Variants in HORMAD2 observed in about 807,000 individuals in gnomAD.
The protein encoded by HORMAD2 is HORMA domain containing 2.
A neutral mutation model predicts 38.8 loss-of-function variants in HORMAD2; 45 were observed. That is an observed-to-expected ratio of 1.16 (90% CI 0.91 to 1.49). The LOEUF is 1.49. Ranked by LOEUF, HORMAD2 falls within the 40% of genes most tolerant of loss-of-function variation. HORMAD2 has a pLI of 0.00. For missense variants in HORMAD2, 338 were observed against 367.0 expected, an observed-to-expected ratio of 0.92 and a Z score of 0.65; for synonymous variants, 126 against 122.8, an observed-to-expected ratio of 1.03 and a Z score of -0.17.
chr22:30,207,003 A>G, the HORMAD2 span: 1 of 462,924 alleles, frequency 2.2e-6, no homozygotes, highest in South Asian at 1.6e-5. Flanking sequence ...GCAGAGACAG[A>G]GCCCCAGCAG....
chr22:30,186,067 A>C, the HORMAD2 span, among the ~76,000 whole-genome samples: 1 of 152,162 alleles, frequency 6.6e-6, no homozygotes, highest in Non-Finnish European at 1.5e-5. Flanking sequence ...TTTAATTTTA[A>C]AGGTGATAGT....
intron 10 of HORMAD2, among the ~76,000 whole-genome samples, chr22:30,162,676 A>G (rs2146217970): frequency 6.6e-6 from 1 of 151,112 alleles, no homozygotes; most frequent in South Asian, 2.1e-4. Context: ...AGGTATATAC[A>G]TGCAAACATT....
the HORMAD2 span, chr22:30,184,863 C>T: frequency 6.6e-6 from 1 of 152,154 alleles, no homozygotes; most frequent in Non-Finnish European, 1.5e-5. Context: ...ACTGGCAAAC[C>T]ACCAATTCAT....
rs569937759 is a variant in HORMAD2, at chr22:30,151,314, T to C, written c.820-24749T>C. Among the ~76,000 whole-genome samples the C allele has an allele frequency of 1.2e-4, 18 of 152,300 alleles. No homozygotes were observed. The South Asian group carries it at 3.5e-3, about 30-fold the overall frequency. ...GTTTTTGGAGGAAACAAAATAAATGTGTGTGTCAATCTGCCATCTTTATCC... is the reference window on the plus strand; with the variant it reads ...GTTTTTGGAGGAAACAAAATAAATGCGTGTGTCAATCTGCCATCTTTATCC... On this transcript the variant is annotated intron_variant, in intron 10 of 10. Coordinates refer to ENST00000336726, the MANE Select transcript of HORMAD2 (RefSeq NM_152510.4).
Position 30,122,204 on chromosome 22 carries a change from G to A in HORMAD2, c.809G>A (p.Cys270Tyr). Residue 270 changes from cysteine to tyrosine, a missense_variant, in exon 10 of 11, where the codon TGC becomes TAC. Transcript: ENST00000336726. Reference protein sequence around the residue: ...QGLDCDEEEECNDHIQRMNFV... With the variant: ...QGLDCDEEEEYNDHIQRMNFV... ...CTAGACTGTGATGAGGAAGAAGAAT[G>A]CAATGACCATGTAAGGCAAAGCTTT... The A allele has an allele frequency of 3.1e-6, 5 of 1,610,602 alleles. No individual in the cohort carries two copies. In the Middle Eastern group the frequency reaches 6.6e-4, roughly 213 times the overall value.
chr22:30,112,162 T>C (rs1017450976), intron 6 of HORMAD2, among the ~76,000 whole-genome samples: 1 of 152,128 alleles, frequency 6.6e-6, no homozygotes, highest in Non-Finnish European at 1.5e-5. Flanking sequence ...ATGTTATACA[T>C]AGTTAAGAAT....
At chr22:30,081,662 A>G (rs558434094) in intron 1 of HORMAD2, among the ~76,000 whole-genome samples, 3 of 151,456 alleles carry the variant, frequency 2.0e-5, no homozygotes, top group Non-Finnish European at 4.4e-5. Context: ...TGCAACCTCC[A>G]CCTCTCGGGT....
intron 1 of HORMAD2, among the ~76,000 whole-genome samples, chr22:30,085,779 A>G (rs1453619484): frequency 6.6e-6 from 1 of 152,224 alleles, no homozygotes; most frequent in East Asian, 1.9e-4. Context: ...AAACTTTAAA[A>G]TATAAAGAAT....
rs543011188 is a variant in HORMAD2 at position 30,083,576 on chromosome 22, A to G, written c.-38+3085A>G. Among the ~76,000 whole-genome samples, 22 of 152,300 alleles carry G rather than the reference A, an allele frequency of 1.4e-4. No individual in the cohort carries two copies. In the South Asian group the frequency reaches 4.3e-3, roughly 30 times the overall value. ...AGACCTCCACAAAACACCTGCTCAA[A>G]GGGAAAACAGTAGCAACAGAATAAT... On this transcript the variant is annotated intron_variant, in intron 1 of 10. Transcript: ENST00000336726.
At chr22:30,078,963 C>A (rs1481372188), upstream of HORMAD2, among the ~76,000 whole-genome samples, 1 of 149,202 alleles carries the variant, frequency 6.7e-6, no homozygotes, top group African/African-American at 2.5e-5. Flanking sequence ...TTGCACACCC[C>A]ATGGGACATT....
At position 30,176,337 on chromosome 22, in the gene HORMAD2, C is replaced by T. The variant is rs776206189; in HGVS notation, c.*170C>T. On this transcript the variant is annotated 3_prime_UTR_variant, in exon 11 of 11. Transcript: ENST00000336726. ...GCTAAATTACTGGCCAGGTAGGACG[C>T]GAGTCCACTTTGCCATAAGGAAAGC... 3.7e-5 allele frequency: 21 copies of T among 560,222 alleles called. No individual in the cohort carries two copies. The highest frequency in any genetic ancestry group is 6.9e-5 in the South Asian group (3 of 43,528). 34.7% of individuals were successfully genotyped at this position (560,222 alleles called of 1,614,324 possible). A position where few individuals can be genotyped will look rare whatever the true frequency, so the allele number is the denominator to read the frequency against.
At chr22:30,127,652 C>A (rs1922982538) in intron 10 of HORMAD2, among the ~76,000 whole-genome samples, 1 of 152,112 alleles carries the variant, frequency 6.6e-6, no homozygotes, top group Non-Finnish European at 1.5e-5. Context: ...ACATCTTTGT[C>A]TTTTTCTATT....
At chr22:30,161,352 A>C (rs1925429549) in intron 10 of HORMAD2, among the ~76,000 whole-genome samples, 1 of 152,240 alleles carries the variant, frequency 6.6e-6, no homozygotes, top group Non-Finnish European at 1.5e-5. Flanking sequence ...CCTACATAGC[A>C]AGTCTGTGAG....
chr22:30,121,590 C>G, intron 8 of HORMAD2, 42 bp from the exon 9 acceptor site: 1 of 1,473,262 alleles, frequency 6.8e-7, no homozygotes, highest in Non-Finnish European at 9.0e-7. Context: ...TAGATTGCCA[C>G]TATTGTATAT....
At chr22:30,203,896 G>A in the HORMAD2 span, among the ~76,000 whole-genome samples, 12 of 152,006 alleles carry the variant, frequency 7.9e-5, no homozygotes, top group African/African-American at 2.2e-4. Flanking sequence ...TAATGTACAC[G>A]TTTACCCTCA....
chr22:30,182,430 G>T, the HORMAD2 span, among the ~76,000 whole-genome samples: 4 of 152,112 alleles, frequency 2.6e-5, no homozygotes, highest in Admixed American at 1.3e-4. Context: ...CCCTGACCTT[G>T]TTTTTTCCTA....
At chr22:30,104,347 T>C in intron 4 of HORMAD2, 54 bp from the exon 5 acceptor site, 1 of 1,457,760 alleles carries the variant, frequency 6.9e-7, no homozygotes, top group Non-Finnish European at 9.6e-7. Flanking sequence ...GTACTTGGAA[T>C]TTTTTTGGAT....
At chr22:30,159,069 C>A (rs1925284023) in intron 10 of HORMAD2, among the ~76,000 whole-genome samples, 1 of 152,152 alleles carries the variant, frequency 6.6e-6, no homozygotes, top group Non-Finnish European at 1.5e-5. Flanking sequence ...TCATGTTTTT[C>A]AAATTGGTGG....
At chr22:30,096,476 T>C (rs1158943629) in intron 2 of HORMAD2, among the ~76,000 whole-genome samples, 1 of 149,108 alleles carries the variant, frequency 6.7e-6, no homozygotes, top group African/African-American at 2.5e-5. Context: ...TATTCTCTCA[T>C]TGTGATTTTT....
Sources: allele counts gnomAD v4.1 joint callset (sites outside exome capture counted in the v4.1 genomes callset), GRCh38; gene constraint gnomAD v4.1.1; transcripts MANE v1.5; gene names NCBI Gene and HGNC (gene_info 2026-07-23, HGNC 2026-07-21).